The following BAZ1B variants were observed in gnomAD, a reference collection of about 807,000 sequenced individuals.
The protein encoded by BAZ1B is bromodomain adjacent to zinc finger domain 1B.
BAZ1B carries 22 observed loss-of-function variants against 153.8 expected under a neutral mutation model. The observed-to-expected ratio is 0.14, with a 90% CI of 0.10 to 0.20. The LOEUF (loss-of-function observed/expected upper bound fraction) is 0.20, where lower values mean the gene tolerates loss of function less well. Among genes scored for constraint, BAZ1B ranks in the 10% least tolerant of loss-of-function variants. The probability of loss-of-function intolerance (pLI) is 1.00; values close to 1 mark genes in which losing one functional copy is unlikely to be tolerated. For missense variants in BAZ1B, 1,325 were observed against 1,799.3 expected, an observed-to-expected ratio of 0.74 and a Z score of 4.77; for synonymous variants, 676 against 633.4, an observed-to-expected ratio of 1.07 and a Z score of -1.01.
At chr7:73,488,932 T>TAA (rs1789527336) in intron 6 of BAZ1B, among the ~76,000 whole-genome samples, 1 of 152,154 alleles carries the variant, frequency 6.6e-6, no homozygotes. Flanking sequence ...AAAAAGGGTC[T>TAA]GAGGCACAAA....
intron 1 of BAZ1B, among the ~76,000 whole-genome samples, chr7:73,511,131 G>C (rs984488710): frequency 2.6e-5 from 4 of 151,978 alleles, no homozygotes; most frequent in African/African-American, 7.2e-5. Context: ...AGCTGTGAGT[G>C]GTTGTGGGCG....
At chr7:73,452,471 C>T (rs898869525) in intron 13 of BAZ1B, among the ~76,000 whole-genome samples, 5 of 152,172 alleles carry the variant, frequency 3.3e-5, no homozygotes, top group Non-Finnish European at 7.3e-5. Context: ...CACCTATAAT[C>T]CCAGCACTTT....
At chr7:73,520,413 AC>A (rs1790989059) in intron 1 of BAZ1B, among the ~76,000 whole-genome samples, 1 of 152,150 alleles carries the variant, frequency 6.6e-6, no homozygotes, top group South Asian at 2.1e-4. Context: ...TGAAGGAGTA[AC>A]ATTCCACCTT....
chr7:73,477,187 C>T lies in BAZ1B; in HGVS notation c.2274G>A (p.Met758Ile). 1 of 1,614,226 alleles carries T rather than the reference C, an allele frequency of 6.2e-7. No homozygotes were observed. Among genetic ancestry groups the T allele is most frequent in the Non-Finnish European group, 8.5e-7 (1 of 1,180,038 alleles). Residue 758 changes from methionine (M) to isoleucine (I), a missense_variant, in exon 7 of 20, where the codon ATG (methionine) becomes ATA (isoleucine). Transcript: ENST00000339594. This position sits in a 1 kb window ranked among gnomAD's most constrained non-coding sequence, Gnocchi z 5.6. ...ILTALCHRIL[M>I]TYSVQDHMET... ...CCATGTGGTCTTGCACTGAGTATGT[C>T]ATGAGGATCCGGTGGCACAGTGCTG...
intron 7 of BAZ1B, among the ~76,000 whole-genome samples, chr7:73,470,861 G>A (rs782299970): frequency 1.3e-5 from 2 of 152,096 alleles, no homozygotes; most frequent in Non-Finnish European, 2.9e-5. Flanking sequence ...TCAGCCTCCT[G>A]TGTCGCTGGA....
intron 8 of BAZ1B, among the ~76,000 whole-genome samples, chr7:73,470,032 C>T (rs1788739600): frequency 6.6e-6 from 1 of 152,114 alleles, no homozygotes; most frequent in Non-Finnish European, 1.5e-5. Context: ...ACTAATATTT[C>T]TCCTTTAGGT....
At position 73,477,165 on chromosome 7, in the gene BAZ1B, T is replaced by A; in HGVS notation, c.2296A>T (p.Met766Leu). The A allele has an allele frequency of 6.2e-7, 1 of 1,614,244 alleles. No individual in the cohort carries two copies. The highest frequency in any genetic ancestry group is 2.2e-5 in the East Asian group (1 of 44,888). The change falls in exon 7 of 20, where the codon ATG becomes TTG. Residue 766 changes from methionine to leucine, a missense_variant. Physicochemically the swap from Met to Leu is conservative, Grantham distance 15. Coordinates refer to ENST00000339594, the MANE Select transcript of BAZ1B (RefSeq NM_032408.4). The surrounding 1 kb of genome is among the most constrained non-coding windows in gnomAD (Gnocchi z 5.6). ...ILMTYSVQDHMETRQQMSAEL... is the reference protein window; with the variant it reads ...ILMTYSVQDHLETRQQMSAEL... Reference sequence around the variant, plus strand: ...GCAGACATCTGCTGTCTGGTCTCCATGTGGTCTTGCACTGAGTATGTCATG... The same window carrying A: ...GCAGACATCTGCTGTCTGGTCTCCAAGTGGTCTTGCACTGAGTATGTCATG...
At chr7:73,491,774 T>C (rs1789655125) in intron 5 of BAZ1B, among the ~76,000 whole-genome samples, 2 of 152,164 alleles carry the variant, frequency 1.3e-5, no homozygotes, top group Non-Finnish European at 2.9e-5. Flanking sequence ...CCATTTTCAT[T>C]TACTGAATCA....
chr7:73,469,741 T>C, intron 8 of BAZ1B, 91 bp from the exon 9 acceptor site: 2 of 1,466,448 alleles, frequency 1.4e-6, no homozygotes, highest in Non-Finnish European at 9.4e-7. Flanking sequence ...AGAGTATCAC[T>C]GAGCATTCAA....
In BAZ1B at chr7:73,442,292, C is replaced by T; in HGVS notation, c.4356G>A (p.Arg1452=). Residue 1452 remains arginine (R), a synonymous_variant, in exon 19 of 20, where the codon AGG becomes AGA. Coordinates refer to ENST00000339594, the MANE Select transcript of BAZ1B (RefSeq NM_032408.4). ...KHLPGHPYVR[R]KRKKFPDRLA... ...GCCTATCAGGAAACTTCTTGCGCTT[C>T]CTGCGGACATATGGGTGGCCAGGAA... is the stretch of plus-strand genomic sequence containing the variant. 6.2e-7 allele frequency: 1 copy of T among 1,614,176 alleles called. No homozygotes were observed. The highest frequency in any genetic ancestry group is 1.3e-5 in the African/African-American group (1 of 75,034).
chr7:73,465,957 A>G (rs1788568294), intron 10 of BAZ1B, among the ~76,000 whole-genome samples: 1 of 152,236 alleles, frequency 6.6e-6, no homozygotes, highest in Non-Finnish European at 1.5e-5. Context: ...AGCTATGCAT[A>G]CAATTTGTTA....
chr7:73,441,329 A>AT lies in BAZ1B; in HGVS notation c.*379dup. 6.6e-6 allele frequency: 1 copy of AT among 152,668 alleles called. No homozygotes were observed. The highest frequency in any genetic ancestry group is 6.6e-5 in the Admixed American group (1 of 15,246). 9.5% of individuals were successfully genotyped at this position (152,668 alleles called of 1,614,324 possible). A position where few individuals can be genotyped will look rare whatever the true frequency, so the allele number is the denominator to read the frequency against. ...CAACTTTTAATAACTAGAAAAGTCA[A>AT]TTTAAAAAAAAAATTAAACATTTAA... is the stretch of plus-strand genomic sequence containing the variant. On this transcript the variant is annotated 3_prime_UTR_variant, in exon 20 of 20. Transcript: ENST00000339594.
chr7:73,497,342 G>C (rs1789954142), intron 4 of BAZ1B, among the ~76,000 whole-genome samples: 1 of 152,014 alleles, frequency 6.6e-6, no homozygotes, highest in South Asian at 2.1e-4. Context: ...GCAACAGGAG[G>C]TCATTAGGAA....
rs144230122 is a variant in BAZ1B at position 73,484,508 on chromosome 7, A to G, written c.891+4686T>C. ...TAAAAATAAAAATTAGCTGGGCTTC[A>G]TGGTGCACACCTGTGGTCTCGGCTA... On this transcript the variant is annotated intron_variant, in intron 6 of 19. Coordinates refer to ENST00000339594, the MANE Select transcript of BAZ1B (RefSeq NM_032408.4). 7.4e-4 allele frequency among the ~76,000 whole-genome samples: 113 copies of G among 152,092 alleles called. No individual in the cohort carries two copies. In the East Asian group the frequency reaches 0.02, roughly 26 times the overall value.
At chr7:73,491,356 T>C (rs1402773830) in intron 5 of BAZ1B, among the ~76,000 whole-genome samples, 3 of 152,136 alleles carry the variant, frequency 2.0e-5, no homozygotes, top group African/African-American at 4.8e-5. Flanking sequence ...CCCAGCACTT[T>C]GGGAGGCCAA....
At position 73,500,027 on chromosome 7, in the gene BAZ1B, T is replaced by C. The variant is rs1554576927; in HGVS notation, c.370-1329A>G. ...GAGATTTTTGTTATGTTGCCGAGTCTGGCCTTGAACTTCTGGGCTCAAGCA... is the reference window on the plus strand; with the variant it reads ...GAGATTTTTGTTATGTTGCCGAGTCCGGCCTTGAACTTCTGGGCTCAAGCA... On this transcript the variant is annotated intron_variant, in intron 3 of 19. Transcript: ENST00000339594. 3.3e-5 allele frequency among the ~76,000 whole-genome samples: 5 copies of C among 152,258 alleles called. No individual in the cohort carries two copies. In the South Asian group the frequency reaches 8.3e-4, roughly 25 times the overall value.
chr7:73,478,563 T>A lies in BAZ1B; in HGVS notation c.898A>T (p.Thr300Ser). The change falls in exon 7 of 20, where the codon ACT becomes TCT. Residue 300 changes from threonine (T) to serine (S), a missense_variant. Physicochemically the swap from Thr to Ser is moderately conservative, Grantham distance 58. Around this residue, in one of 9 missense-constraint regions of BAZ1B, gnomAD observed 219 missense variants for 248.2 expected, o/e 0.88. Coordinates refer to ENST00000339594, the MANE Select transcript of BAZ1B (RefSeq NM_032408.4). Reference sequence around the variant, plus strand: ...TTCCTCTTAGTAGAAGGGTTGAGAGTCATATACTAGAATTTAAGAATAGGA... The same window carrying A: ...TTCCTCTTAGTAGAAGGGTTGAGAGACATATACTAGAATTTAAGAATAGGA... ...DFLLDPYKYM[T>S]LNPSTKRKNT... The A allele has an allele frequency of 1.3e-5, 20 of 1,509,918 alleles. No homozygotes were observed. The highest frequency in any genetic ancestry group is 1.7e-5 in the Non-Finnish European group (19 of 1,130,234). The allele number at this position is 1,509,918 out of a possible 1,614,324, so 93.5% of individuals were successfully genotyped here.
chr7:73,478,123 G>C lies in BAZ1B; in HGVS notation c.1338C>G (p.Gly446=). Residue 446 remains glycine, a synonymous_variant, in exon 7 of 20, where the codon GGC becomes GGG. Transcript: ENST00000339594. ...GTGGGGCTCGTGTCATCTTCTGCGT[G>C]CCTTTGGCCATATCCAACAAAGTCA... ...KQMTLLDMAK[G]TQKMTRAPRN... 2 of 1,614,186 alleles carry C rather than the reference G, an allele frequency of 1.2e-6. No homozygotes were observed. The highest frequency in any genetic ancestry group is 1.7e-6 in the Non-Finnish European group (2 of 1,180,038).
chr7:73,515,368 G>C (rs1424068368), intron 1 of BAZ1B, among the ~76,000 whole-genome samples: 1 of 151,910 alleles, frequency 6.6e-6, no homozygotes, highest in South Asian at 2.1e-4. Context: ...CATCAAGCTT[G>C]ACCCCGTGAC....
Sources: gnomAD v4.1 joint callset for allele counts (sites outside exome capture counted in the v4.1 genomes callset) on GRCh38, gnomAD v4.1.1 for gene constraint, gnomAD v4.1.1 regional missense constraint, Gnocchi (gnomAD v3.1) non-coding constraint, MANE v1.5 for transcripts, NCBI Gene and HGNC (gene_info 2026-07-23, HGNC 2026-07-21) for gene names.